ILDR1: variants seen among roughly 807,000 people sequenced by gnomAD.
The protein encoded by ILDR1 is immunoglobulin-like domain-containing receptor 1.
In ILDR1, 56 loss-of-function variants were observed where a neutral mutation model predicts 62.4. That is an observed-to-expected ratio of 0.90 (90% CI 0.72 to 1.12). The LOEUF (loss-of-function observed/expected upper bound fraction) is 1.12. Ranked by LOEUF, ILDR1 falls within the 50% of genes most tolerant of loss-of-function variation. ILDR1 has a pLI of 0.00. For synonymous variants in ILDR1, 284 were observed against 277.8 expected, an observed-to-expected ratio of 1.02 and a Z score of -0.22; for missense variants, 736 against 710.6, an observed-to-expected ratio of 1.04 and a Z score of -0.41.
the ILDR1 span, among the ~76,000 whole-genome samples, chr3:122,056,233 C>T: frequency 1.3e-5 from 2 of 152,118 alleles, no homozygotes; most frequent in African/African-American, 4.8e-5. Context: ...CTTCGTGGTG[C>T]GCCAGAAGGT....
chr3:122,032,518 T>C, the ILDR1 span, among the ~76,000 whole-genome samples: 1 of 152,212 alleles, frequency 6.6e-6, no homozygotes, highest in Non-Finnish European at 1.5e-5. Context: ...ATAGGATATG[T>C]ATGGTGATCT....
chr3:122,007,330 G>C (rs902073151), intron 1 of ILDR1, 169 bp from the exon 2 acceptor site: 1 of 1,477,164 alleles, frequency 6.8e-7, no homozygotes, highest in African/African-American at 1.4e-5. Context: ...GGGTGGGGTG[G>C]GGTGAGAACG....
At chr3:122,056,138 T>C in the ILDR1 span, among the ~76,000 whole-genome samples, 1 of 152,160 alleles carries the variant, frequency 6.6e-6, no homozygotes, top group Non-Finnish European at 1.5e-5. Context: ...ATCATTCTTT[T>C]TGACAGATGG....
At chr3:122,033,914 A>G in the ILDR1 span, among the ~76,000 whole-genome samples, 50 of 152,160 alleles carry the variant, frequency 3.3e-4, 1 homozygote, top group Non-Finnish European at 4.4e-5. Flanking sequence ...CTACCAGAAC[A>G]AGTCCTTCCA....
At chr3:122,042,892 T>C in the ILDR1 span, among the ~76,000 whole-genome samples, 2 of 152,050 alleles carry the variant, frequency 1.3e-5, no homozygotes, top group Admixed American at 1.3e-4. Context: ...GGTATTTTCT[T>C]TTGCTGTGCA....
chr3:122,015,898 G>A (rs1474785398), intron 1 of ILDR1, among the ~76,000 whole-genome samples: 4 of 152,094 alleles, frequency 2.6e-5, no homozygotes, highest in Non-Finnish European at 4.4e-5. Flanking sequence ...ACCTAGTACT[G>A]TACTCATGCA....
chr3:122,028,279 T>C, the ILDR1 span, among the ~76,000 whole-genome samples: 1 of 139,598 alleles, frequency 7.2e-6, no homozygotes, highest in East Asian at 2.1e-4. Context: ...GAGCTTGCAG[T>C]GAGCCGCGAT....
At chr3:121,991,220 C>G (rs1226132306) in intron 7 of ILDR1, among the ~76,000 whole-genome samples, 1 of 151,958 alleles carries the variant, frequency 6.6e-6, no homozygotes, top group East Asian at 1.9e-4. Context: ...AAAAAGAAAG[C>G]CTGGAAAGGG....
the ILDR1 span, among the ~76,000 whole-genome samples, chr3:122,056,403 C>T: frequency 6.6e-6 from 1 of 152,204 alleles, no homozygotes; most frequent in African/African-American, 2.4e-5. Flanking sequence ...GGCGCAATCT[C>T]AGCTCACTGC....
In ILDR1 at chr3:121,993,496, C is replaced by T; in HGVS notation, c.1253G>A (p.Arg418Lys). The change falls in exon 7 of 8, where the codon AGG becomes AAG. Residue 418 changes from arginine (R) to lysine (K), a missense_variant. Transcript: ENST00000344209. ...LNGSPIHWSD[R>K]DSLSDVPSSS... is the part of the protein sequence containing the mutation. ...TGAGGGGACATCGCTTAGGCTGTCC[C>T]TGTCTGACCAGTGTATGGGTGACCC... is the stretch of plus-strand genomic sequence containing the variant. 1.2e-6 allele frequency: 2 copies of T among 1,614,260 alleles called. No homozygotes were observed. Among genetic ancestry groups the T allele is most frequent in the Non-Finnish European group, 1.7e-6 (2 of 1,180,042 alleles).
the ILDR1 span, among the ~76,000 whole-genome samples, chr3:122,044,791 AT>A: frequency 6.6e-6 from 1 of 151,824 alleles, no homozygotes; most frequent in Non-Finnish European, 1.5e-5. Flanking sequence ...TATTGTGTCT[AT>A]TTGATTCTTC....
Position 121,993,537 on chromosome 3 carries a change from A to G in ILDR1, c.1212T>C (p.Arg404=), listed in dbSNP as rs766002680. Residue 404 remains arginine, a synonymous_variant, in exon 7 of 8, where the codon CGT becomes CGC. Coordinates refer to ENST00000344209, the MANE Select transcript of ILDR1 (RefSeq NM_001199799.2). ...ELDPSWSGRH[R]SSRLNGSPIH... is the part of the protein sequence containing the mutation. ...TGGGTGACCCATTCAGCCTAGAGCTACGGTGCCTTCCACTCCACGATGGGT... is the reference window on the plus strand; with the variant it reads ...TGGGTGACCCATTCAGCCTAGAGCTGCGGTGCCTTCCACTCCACGATGGGT... 6.2e-7 allele frequency: 1 copy of G among 1,614,206 alleles called. No individual in the cohort carries two copies. The highest frequency in any genetic ancestry group is 8.5e-7 in the Non-Finnish European group (1 of 1,180,040).
At chr3:122,059,178 A>T in the ILDR1 span, among the ~76,000 whole-genome samples, 1 of 152,132 alleles carries the variant, frequency 6.6e-6, no homozygotes, top group African/African-American at 2.4e-5. Flanking sequence ...GATGGCCTGG[A>T]ATGCACATGA....
At chr3:122,009,945 A>T (rs1418352344) in intron 1 of ILDR1, among the ~76,000 whole-genome samples, 1 of 152,258 alleles carries the variant, frequency 6.6e-6, no homozygotes, top group Non-Finnish European at 1.5e-5. Context: ...CTGGGCTGTG[A>T]TGCAGATGCC....
the ILDR1 span, among the ~76,000 whole-genome samples, chr3:122,038,843 G>A: frequency 6.6e-6 from 1 of 152,058 alleles, no homozygotes; most frequent in Admixed American, 6.5e-5. Context: ...TGCATGGACA[G>A]AAATAAATAA....
At chr3:122,051,082 C>A in the ILDR1 span, among the ~76,000 whole-genome samples, 1 of 152,150 alleles carries the variant, frequency 6.6e-6, no homozygotes, top group Non-Finnish European at 1.5e-5. Context: ...TGGCTTTCGA[C>A]AATTTGATTA....
At chr3:122,020,898 T>C (rs1345630931) in intron 1 of ILDR1, among the ~76,000 whole-genome samples, 2 of 152,186 alleles carry the variant, frequency 1.3e-5, no homozygotes, top group Non-Finnish European at 2.9e-5. Flanking sequence ...AATTTTCTAG[T>C]TTCCCTACCC....
chr3:122,023,059 A>T (rs1052985617), upstream of ILDR1, among the ~76,000 whole-genome samples: 20 of 151,156 alleles, frequency 1.3e-4, no homozygotes, highest in African/African-American at 3.4e-4. Flanking sequence ...ATGGGAGTTT[A>T]AAAAAATCCT....
At chr3:122,001,644 G>T (rs1039284384) in intron 4 of ILDR1, 101 bp downstream of exon 4, 1 of 1,551,290 alleles carries the variant, frequency 6.4e-7, no homozygotes, top group Admixed American at 1.7e-5. Context: ...CCAATGACAA[G>T]AACTTAGGCT....
Sources: allele counts gnomAD v4.1 joint callset (sites outside exome capture counted in the v4.1 genomes callset), GRCh38; gene constraint gnomAD v4.1.1; transcripts MANE v1.5; gene names NCBI Gene and HGNC (gene_info 2026-07-23, HGNC 2026-07-21).